CACNA2D3: variants seen among roughly 807,000 people sequenced by gnomAD.
The protein encoded by CACNA2D3 is calcium voltage-gated channel auxiliary subunit alpha2delta 3.
Under a neutral mutation model 160.6 loss-of-function variants are expected in CACNA2D3, and 60 were observed. The ratio of observed to expected loss-of-function variants is 0.37; its 90% confidence interval spans 0.30 to 0.46. The LOEUF (loss-of-function observed/expected upper bound fraction) is 0.46, where lower values mean the gene tolerates loss of function less well. Ranked by LOEUF, CACNA2D3 falls within the 20% of genes least tolerant of loss-of-function variation. The probability of loss-of-function intolerance (pLI) is 1.00; values close to 1 mark genes in which losing one functional copy is unlikely to be tolerated. For missense variants in CACNA2D3, 1,205 were observed against 1,365.0 expected (o/e 0.88, Z 1.85); for synonymous variants, 558 against 492.9 (o/e 1.13, Z -1.75).
intron 9 of CACNA2D3, among the ~76,000 whole-genome samples, chr3:54,625,431 C>G (rs1699075880): frequency 6.6e-6 from 1 of 152,216 alleles, no homozygotes; most frequent in Non-Finnish European, 1.5e-5. Context: ...AGTTCTCAGT[C>G]TATCTGTAAA....
intron 3 of CACNA2D3, among the ~76,000 whole-genome samples, chr3:54,341,301 A>AG (rs1483511450): frequency 6.6e-6 from 1 of 152,212 alleles, no homozygotes; most frequent in Non-Finnish European, 1.5e-5. Context: ...CCAGTGGCTG[A>AG]TCAGTCATCC....
intron 3 of CACNA2D3, among the ~76,000 whole-genome samples, chr3:54,364,695 T>G (rs1348707245): frequency 6.6e-6 from 1 of 152,196 alleles, no homozygotes; most frequent in Non-Finnish European, 1.5e-5. Context: ...TTCACTTGAT[T>G]ATAGTGACTC....
chr3:54,320,917 G>T (rs1703974405), intron 3 of CACNA2D3, among the ~76,000 whole-genome samples: 2 of 152,184 alleles, frequency 1.3e-5, no homozygotes, highest in South Asian at 4.1e-4. Context: ...GCATTTTCTT[G>T]TGTCACTGTG....
At chr3:54,910,831 A>G (rs1219887594) in intron 27 of CACNA2D3, among the ~76,000 whole-genome samples, 2 of 152,160 alleles carry the variant, frequency 1.3e-5, no homozygotes, top group Non-Finnish European at 2.9e-5. Context: ...AGCCTTGATA[A>G]TTTAAAATCC....
intron 3 of CACNA2D3, among the ~76,000 whole-genome samples, chr3:54,332,739 G>T (rs1003780148): frequency 2.0e-5 from 3 of 152,132 alleles, no homozygotes; most frequent in Non-Finnish European, 2.9e-5. Flanking sequence ...ACCTTCATTC[G>T]TCCAAGGCCT....
At chr3:54,657,641 A>G (rs1290937434) in intron 11 of CACNA2D3, among the ~76,000 whole-genome samples, 2 of 152,128 alleles carry the variant, frequency 1.3e-5, no homozygotes, top group East Asian at 3.9e-4. Flanking sequence ...TTGTCCTGTG[A>G]CTAACTTATT....
chr3:54,243,227 A>G (rs1702006555), intron 2 of CACNA2D3, among the ~76,000 whole-genome samples: 1 of 152,212 alleles, frequency 6.6e-6, no homozygotes, highest in African/African-American at 2.4e-5. Context: ...ACCCAGAAAG[A>G]CAAGGGGTGG....
intron 13 of CACNA2D3, among the ~76,000 whole-genome samples, chr3:54,779,786 C>G (rs559625957): frequency 6.6e-6 from 1 of 152,300 alleles, no homozygotes; most frequent in South Asian, 2.1e-4. Flanking sequence ...CATCTCAGGT[C>G]CCCTATAGGT....
intron 5 of CACNA2D3, among the ~76,000 whole-genome samples, chr3:54,534,466 T>G (rs529349835): frequency 1.3e-5 from 2 of 152,236 alleles, no homozygotes; most frequent in East Asian, 3.9e-4. Flanking sequence ...CATGTGAAGC[T>G]CATCAGCACA....
chr3:54,431,647 G>A (rs1699992514), intron 4 of CACNA2D3, among the ~76,000 whole-genome samples: 1 of 152,124 alleles, frequency 6.6e-6, no homozygotes, highest in African/African-American at 2.4e-5. Flanking sequence ...CAGTCTCGCT[G>A]TGTTGCCCAG....
intron 3 of CACNA2D3, among the ~76,000 whole-genome samples, chr3:54,351,025 G>T (rs1443722697): frequency 3.5e-5 from 4 of 113,790 alleles, no homozygotes; most frequent in Non-Finnish European, 7.0e-5. Flanking sequence ...GTCTCACTGT[G>T]TCGCCCAGGC....
At chr3:55,023,021 T>C (rs866514937) in intron 35 of CACNA2D3, among the ~76,000 whole-genome samples, 13 of 152,164 alleles carry the variant, frequency 8.5e-5, no homozygotes, top group African/African-American at 3.1e-4. Context: ...CTTTTTGTTT[T>C]ACAGTACTTC....
intron 2 of CACNA2D3, among the ~76,000 whole-genome samples, chr3:54,319,991 G>A (rs976091214): frequency 6.6e-6 from 1 of 152,118 alleles, no homozygotes; most frequent in African/African-American, 2.4e-5. Flanking sequence ...CATAGACAAC[G>A]CTGTTGGAAA....
intron 2 of CACNA2D3, among the ~76,000 whole-genome samples, chr3:54,134,043 A>G (rs776165464): frequency 1.1e-4 from 17 of 152,042 alleles, no homozygotes; most frequent in Non-Finnish European, 2.1e-4. Context: ...TGTTATTCCT[A>G]TTCTTTGTCT....
rs543619545 is a variant in CACNA2D3 at position 55,044,501 on chromosome 3, CTT to C, written c.2987+26185_2987+26186del. ...GTCAACACTTGCTTTTTTATAGCATCTTAGACTATTCTATGTAGACAGATTAT... is the reference window on the plus strand; with the variant it reads ...GTCAACACTTGCTTTTTTATAGCATCAGACTATTCTATGTAGACAGATTAT... On this transcript the variant is annotated intron_variant, in intron 35 of 37. Transcript: ENST00000474759. Among the ~76,000 whole-genome samples, 7 of 152,190 alleles carry C rather than the reference CTT, an allele frequency of 4.6e-5. No homozygotes were observed. In the East Asian group the frequency reaches 1.3e-3, roughly 29 times the overall value.
chr3:54,818,276 C>T (rs528004327), intron 14 of CACNA2D3, among the ~76,000 whole-genome samples: 2 of 152,314 alleles, frequency 1.3e-5, no homozygotes, highest in Admixed American at 6.5e-5. Flanking sequence ...CTCCACCTCC[C>T]GGGTTCAATC....
At chr3:54,414,350 C>G (rs1699720535) in intron 4 of CACNA2D3, among the ~76,000 whole-genome samples, 3 of 151,972 alleles carry the variant, frequency 2.0e-5, no homozygotes, top group South Asian at 4.1e-4. Flanking sequence ...TTAGTACCAT[C>G]CCTTTCTAAA....
chr3:54,754,601 G>A (rs954135505), intron 12 of CACNA2D3, among the ~76,000 whole-genome samples: 2 of 152,132 alleles, frequency 1.3e-5, no homozygotes, highest in Non-Finnish European at 2.9e-5. Flanking sequence ...GCCCAGCCTC[G>A]TACCAGAGTG....
At chr3:54,420,765 G>A (rs966174865) in intron 4 of CACNA2D3, among the ~76,000 whole-genome samples, 1 of 152,200 alleles carries the variant, frequency 6.6e-6, no homozygotes, top group African/African-American at 2.4e-5. Context: ...AAGTCACAGG[G>A]GAGGAAGTGC....
Sources: allele counts gnomAD v4.1 joint callset (sites outside exome capture counted in the v4.1 genomes callset), GRCh38; gene constraint gnomAD v4.1.1; transcripts MANE v1.5; gene names NCBI Gene and HGNC (gene_info 2026-07-23, HGNC 2026-07-21).